The following SGCZ variants were observed in gnomAD, a reference collection of about 807,000 sequenced individuals.
SGCZ encodes the protein zeta-sarcoglycan.
In SGCZ, 40 loss-of-function variants were observed where a neutral mutation model predicts 41.3. The ratio of observed to expected loss-of-function variants is 0.97; its 90% CI spans 0.75 to 1.26. The LOEUF is 1.26. Ranked by LOEUF, SGCZ falls within the 50% of genes most tolerant of loss-of-function variation. SGCZ has a pLI of 0.00. For synonymous variants in SGCZ, 206 were observed against 137.5 expected (o/e 1.50, Z -3.49); for missense variants, 552 against 369.8 (o/e 1.49, Z -4.04).
At chr8:14,318,763 C>T (rs1014071826) in intron 3 of SGCZ, among the ~76,000 whole-genome samples, 4 of 151,908 alleles carry the variant, frequency 2.6e-5, no homozygotes, top group Non-Finnish European at 5.9e-5. Context: ...TCTAGCAAAA[C>T]AAACAGAAGA....
At chr8:14,337,336 A>G (rs531903452) in intron 2 of SGCZ, among the ~76,000 whole-genome samples, 1 of 152,110 alleles carries the variant, frequency 6.6e-6, no homozygotes, top group Admixed American at 6.5e-5. Flanking sequence ...ACTATTATCT[A>G]TTTAGAAGGA....
chr8:14,415,663 A>C (rs1472467494), intron 2 of SGCZ, among the ~76,000 whole-genome samples: 1 of 151,908 alleles, frequency 6.6e-6, no homozygotes, highest in Non-Finnish European at 1.5e-5. Context: ...CTTAAGAAAA[A>C]AGTGAATTTA....
At chr8:14,309,631 C>T in intron 3 of SGCZ, 1 of 1,610,778 alleles carries the variant, frequency 6.2e-7, no homozygotes. Flanking sequence ...GCAGACACAG[C>T]TACTAAGAGC....
At chr8:14,477,030 G>T (rs937119090) in intron 2 of SGCZ, among the ~76,000 whole-genome samples, 2 of 152,030 alleles carry the variant, frequency 1.3e-5, no homozygotes, top group African/African-American at 4.8e-5. Flanking sequence ...ACTGCCTACT[G>T]GTTGCAAATA....
At chr8:14,130,042 C>T (rs997418046) in intron 5 of SGCZ, among the ~76,000 whole-genome samples, 22 of 152,002 alleles carry the variant, frequency 1.4e-4, no homozygotes, top group African/African-American at 5.1e-4. Context: ...AAAAGGAAAA[C>T]GAAGTCAAAT....
chr8:14,686,673 G>C (rs1333254510), intron 1 of SGCZ, among the ~76,000 whole-genome samples: 1 of 152,046 alleles, frequency 6.6e-6, no homozygotes, highest in African/African-American at 2.4e-5. Flanking sequence ...ACATGTTGCA[G>C]GGGCTGAAAT....
At chr8:14,741,479 T>C (rs1005189501) in intron 1 of SGCZ, among the ~76,000 whole-genome samples, 5 of 152,088 alleles carry the variant, frequency 3.3e-5, no homozygotes, top group African/African-American at 1.2e-4. Context: ...GCATTAAATT[T>C]TTCCAAGTAG....
chr8:14,449,796 C>G (rs1461883), intron 2 of SGCZ, among the ~76,000 whole-genome samples: 66,707 of 151,922 alleles, frequency 0.44, 15,080 homozygotes, highest in African/African-American at 0.5. Flanking sequence ...ACTCTTTTGG[C>G]TTTGGGAACA....
chr8:15,170,817 T>G (rs1379841677), intron 1 of SGCZ, among the ~76,000 whole-genome samples: 1 of 152,346 alleles, frequency 6.6e-6, no homozygotes, highest in East Asian at 1.9e-4. Flanking sequence ...ACTTTTGATA[T>G]GGACTATATA....
intron 1 of SGCZ, among the ~76,000 whole-genome samples, chr8:15,102,626 A>T (rs1806657600): frequency 6.6e-6 from 1 of 152,218 alleles, no homozygotes; most frequent in Admixed American, 6.5e-5. Flanking sequence ...GAGGGACAGC[A>T]GGGTATAGGA....
chr8:14,394,595 A>G (rs909440006), intron 2 of SGCZ, among the ~76,000 whole-genome samples: 1 of 152,176 alleles, frequency 6.6e-6, no homozygotes, highest in East Asian at 1.9e-4. Flanking sequence ...TCATTCATGC[A>G]TTCATTCAGC....
intron 2 of SGCZ, among the ~76,000 whole-genome samples, chr8:14,330,157 A>T (rs1461540623): frequency 6.6e-6 from 1 of 152,124 alleles, no homozygotes; most frequent in Non-Finnish European, 1.5e-5. Context: ...TTCTGATTCT[A>T]ATTTTAGTTA....
At chr8:14,543,489 A>C (rs746399954) in intron 2 of SGCZ, among the ~76,000 whole-genome samples, 1 of 152,238 alleles carries the variant, frequency 6.6e-6, no homozygotes, top group Admixed American at 6.6e-5. Flanking sequence ...AAGTAATTTA[A>C]AATACCCAGT....
chr8:14,920,825 A>T (rs1390785880), intron 1 of SGCZ, among the ~76,000 whole-genome samples: 1 of 152,174 alleles, frequency 6.6e-6, no homozygotes, highest in Non-Finnish European at 1.5e-5. Context: ...TTATTCTGGG[A>T]GGTTTCATTA....
chr8:15,189,492 T>C (rs1015163030), intron 1 of SGCZ, among the ~76,000 whole-genome samples: 1 of 152,094 alleles, frequency 6.6e-6, no homozygotes, highest in South Asian at 2.1e-4. Context: ...AGTCTTAACA[T>C]ACATTTCTCA....
At chr8:14,587,938 A>G (rs10109958) in intron 1 of SGCZ, among the ~76,000 whole-genome samples, 9,061 of 152,156 alleles carry the variant, frequency 0.06, 716 homozygotes, top group African/African-American at 0.18. Context: ...TTCCTTGTCA[A>G]TTTTATAGAA....
chr8:14,120,842 TTAA>T (rs1448023981), intron 5 of SGCZ, among the ~76,000 whole-genome samples: 1 of 152,110 alleles, frequency 6.6e-6, no homozygotes, highest in Non-Finnish European at 1.5e-5. Flanking sequence ...TATCCTAAAG[TTAA>T]TAATTTTACC....
chr8:14,251,899 G>A (rs998204012), intron 3 of SGCZ, among the ~76,000 whole-genome samples: 9 of 152,146 alleles, frequency 5.9e-5, no homozygotes, highest in African/African-American at 1.2e-4. Context: ...TAGTAGAGAC[G>A]GGGTTTTGCA....
chr8:14,284,800 T>G lies in SGCZ; in HGVS notation c.336+39303A>C, dbSNP rs1015159534. On this transcript the variant is annotated intron_variant, in intron 3 of 7. Coordinates refer to ENST00000382080, the MANE Select transcript of SGCZ (RefSeq NM_139167.4). The stretch of plus-strand genomic sequence containing the variant: ...GTTACTGTTGAAATTGTTGTGTACA[T>G]CTTTACTATTTTCACTAATAGAATA... Among the ~76,000 whole-genome samples the G allele has an allele frequency of 3.3e-5, 5 of 152,212 alleles. No individual in the cohort carries two copies. The South Asian group carries it at 1.0e-3, about 31-fold the overall frequency.
Sources: gnomAD v4.1 joint callset for allele counts (sites outside exome capture counted in the v4.1 genomes callset) on GRCh38, gnomAD v4.1.1 for gene constraint, MANE v1.5 for transcripts, NCBI Gene and HGNC (gene_info 2026-07-23, HGNC 2026-07-21) for gene names.